CASR: variants seen among roughly 807,000 people sequenced by gnomAD.
CASR encodes the protein calcium sensing receptor.
CASR carries 23 observed loss-of-function variants against 69.1 expected under a neutral mutation model. The ratio of observed to expected loss-of-function variants is 0.33; its 90% confidence interval spans 0.24 to 0.47. The LOEUF (loss-of-function observed/expected upper bound fraction) is 0.47. Ranked by LOEUF, CASR falls within the 20% of genes least tolerant of loss-of-function variation. The pLI, the probability that CASR is intolerant of heterozygous loss-of-function variation, is 1.00. For missense variants in CASR, 924 were observed against 1,356.1 expected (o/e 0.68, Z 5.00); for synonymous variants, 541 against 544.7 (o/e 0.99, Z 0.10).
At chr3:122,277,304 C>T (rs2074834613) in intron 5 of CASR, among the ~76,000 whole-genome samples, 1 of 152,144 alleles carries the variant, frequency 6.6e-6, no homozygotes, top group African/African-American at 2.4e-5. Context: ...TCCTCAGCCT[C>T]CCAGAGTGCT....
intron 3 of CASR, among the ~76,000 whole-genome samples, chr3:122,260,035 A>T (rs1261581297): frequency 1.3e-5 from 2 of 152,214 alleles, no homozygotes; most frequent in African/African-American, 2.4e-5. Flanking sequence ...CCATTTGTGT[A>T]AAAATGTTTC....
chr3:122,226,836 G>A (rs2074227629), intron 1 of CASR, among the ~76,000 whole-genome samples: 2 of 151,984 alleles, frequency 1.3e-5, no homozygotes, highest in African/African-American at 4.8e-5. Context: ...GTGCCTATTG[G>A]TGCATTCACA....
rs1052096806 is a variant in CASR at position 122,289,112 on chromosome 3, G to A, written c.*3921G>A. 1 of 152,166 alleles carries A rather than the reference G, an allele frequency of 6.6e-6. No homozygotes were observed. The highest frequency in any genetic ancestry group is 1.5e-5 in the Non-Finnish European group (1 of 68,028). The allele number at this position is 152,166 out of a possible 1,614,324, so 9.4% of individuals were successfully genotyped here. A position where few individuals can be genotyped will look rare whatever the true frequency, so the allele number is the denominator to read the frequency against. ...GCTCTGGCTGAAATCACATAGCTACGGGCTGGTTCTGCCCAGCCAGAGCTT... is the reference window on the plus strand; with the variant it reads ...GCTCTGGCTGAAATCACATAGCTACAGGCTGGTTCTGCCCAGCCAGAGCTT... On this transcript the variant is annotated 3_prime_UTR_variant, in exon 7 of 7. Transcript: ENST00000639785.
chr3:122,212,221 T>C (rs2074075117), intron 1 of CASR, among the ~76,000 whole-genome samples: 1 of 152,182 alleles, frequency 6.6e-6, no homozygotes, highest in Admixed American at 6.5e-5. Context: ...TGGAATATTA[T>C]GCACCCATAA....
chr3:122,196,237 T>C (rs1358239942), intron 1 of CASR, among the ~76,000 whole-genome samples: 1 of 152,126 alleles, frequency 6.6e-6, no homozygotes, highest in Non-Finnish European at 1.5e-5. Flanking sequence ...ATATATAGTA[T>C]GGTAAATAAC....
At chr3:122,187,874 T>C (rs991391558) in intron 1 of CASR, among the ~76,000 whole-genome samples, 1 of 152,198 alleles carries the variant, frequency 6.6e-6, no homozygotes, top group African/African-American at 2.4e-5. Flanking sequence ...GTATGCATGA[T>C]GGGGTCACAG....
chr3:122,231,844 T>TA (rs1365824558), intron 1 of CASR, among the ~76,000 whole-genome samples: 1 of 152,194 alleles, frequency 6.6e-6, no homozygotes, highest in Non-Finnish European at 1.5e-5. Flanking sequence ...CATTCTCTTC[T>TA]AACATTGTAA....
intron 1 of CASR, chr3:122,184,349 G>C (rs2073753283): frequency 6.5e-6 from 1 of 152,846 alleles, no homozygotes; most frequent in Non-Finnish European, 1.5e-5. Flanking sequence ...TGCTGTGGCC[G>C]GACCCGAAGG....
Position 122,289,254 on chromosome 3 carries a change from T to C in CASR, c.*4063T>C, listed in dbSNP as rs2074992116. On this transcript the variant is annotated 3_prime_UTR_variant, in exon 7 of 7. Transcript: ENST00000639785. ...TCATTTGTCTGAGCCTGAGTGGTCATTTTAGGAGTCCACTGGAGACAAGAA... is the reference window on the plus strand; with the variant it reads ...TCATTTGTCTGAGCCTGAGTGGTCACTTTAGGAGTCCACTGGAGACAAGAA... 6.6e-6 allele frequency: 1 copy of C among 152,202 alleles called. No homozygotes were observed. The highest frequency in any genetic ancestry group is 2.4e-5 in the African/African-American group (1 of 41,450). The allele number at this position is 152,202 out of a possible 1,614,324, so 9.4% of individuals were successfully genotyped here. A position where few individuals can be genotyped will look rare whatever the true frequency, so the allele number is the denominator to read the frequency against.
intron 1 of CASR, among the ~76,000 whole-genome samples, chr3:122,238,064 C>T (rs1181738186): frequency 1.3e-5 from 2 of 152,170 alleles, no homozygotes; most frequent in African/African-American, 4.8e-5. Context: ...CAACTAACTA[C>T]ACAAAAAAGC....
At chr3:122,189,000 G>A (rs974460339) in intron 1 of CASR, among the ~76,000 whole-genome samples, 2 of 152,206 alleles carry the variant, frequency 1.3e-5, no homozygotes, top group Non-Finnish European at 2.9e-5. Context: ...CACCAAAGGT[G>A]GATACTAGGA....
At chr3:122,270,952 A>G (rs779051914) in intron 4 of CASR, among the ~76,000 whole-genome samples, 12 of 152,218 alleles carry the variant, frequency 7.9e-5, no homozygotes, top group Non-Finnish European at 1.2e-4. Flanking sequence ...GTTCTTGAAA[A>G]TAATGTATAT....
At chr3:122,186,477 A>G (rs1010066345) in intron 1 of CASR, among the ~76,000 whole-genome samples, 1 of 152,196 alleles carries the variant, frequency 6.6e-6, no homozygotes, top group South Asian at 2.1e-4. Context: ...AGGTAAAAAA[A>G]TCATTCATCA....
Position 122,262,533 on chromosome 3 carries a change from A to G in CASR, c.1377+121A>G. On this transcript the variant is annotated intron_variant, in intron 4 of 6. Transcript: ENST00000639785. Reference sequence around the variant, plus strand: ...ATATTTAAATGAAGCCACTAAATGGAGCTTTGGATTCAAAGTACCTTTTTT... The same window carrying G: ...ATATTTAAATGAAGCCACTAAATGGGGCTTTGGATTCAAAGTACCTTTTTT... The G allele has an allele frequency of 2.4e-6, 2 of 841,862 alleles. 1 individual carries two copies. The highest frequency in any genetic ancestry group is 2.9e-5 in the South Asian group (2 of 69,970). The allele number at this position is 841,862 out of a possible 1,614,324, so 52.1% of individuals were successfully genotyped here.
intron 4 of CASR, among the ~76,000 whole-genome samples, chr3:122,273,031 A>T (rs887120296): frequency 1.3e-5 from 2 of 152,218 alleles, no homozygotes; most frequent in African/African-American, 4.8e-5. Context: ...TTCTACCCTG[A>T]TGCTGGGAGA....
rs529659441 is a variant in CASR, at chr3:122,275,280, C to T, written c.1378-532C>T. Among the ~76,000 whole-genome samples the T allele has an allele frequency of 5.6e-4, 86 of 152,308 alleles. 1 individual carries two copies. Among genetic ancestry groups the T allele is most frequent in the African/African-American group, 2.0e-3 (85 of 41,574 alleles). ...CCATGACTCTGACAACAATAATGGC[C>T]GGGCTTTGCCCACAGCCTCATCTCT... On this transcript the variant is annotated intron_variant, in intron 4 of 6. Transcript: ENST00000639785.
intron 1 of CASR, among the ~76,000 whole-genome samples, chr3:122,194,273 T>G (rs564567509): frequency 2.0e-4 from 31 of 152,294 alleles, no homozygotes; most frequent in Admixed American, 4.6e-4. Context: ...CTAGTTGGCC[T>G]TTTATCATAT....
chr3:122,211,879 G>A (rs938314851), intron 1 of CASR, among the ~76,000 whole-genome samples: 8 of 152,264 alleles, frequency 5.3e-5, no homozygotes, highest in South Asian at 2.1e-4. Flanking sequence ...CATGCCAGTC[G>A]GAATGGTGAT....
intron 4 of CASR, among the ~76,000 whole-genome samples, chr3:122,267,858 ACCATTTTCCCACTTATGG>A (rs1214571617): frequency 6.6e-6 from 1 of 152,246 alleles, no homozygotes; most frequent in African/African-American, 2.4e-5. Flanking sequence ...TTCAGGTTAG[ACCATTTTCCCACTTATGG>A]CCCCTCATGT....
Sources: allele counts gnomAD v4.1 joint callset (sites outside exome capture counted in the v4.1 genomes callset), GRCh38; gene constraint gnomAD v4.1.1; transcripts MANE v1.5; gene names NCBI Gene and HGNC (gene_info 2026-07-23, HGNC 2026-07-21).